The following ERG variants were observed in gnomAD, a reference collection of about 807,000 sequenced individuals.
ERG encodes transcriptional regulator ERG.
Under a neutral mutation model 55.3 loss-of-function variants are expected in ERG, and 9 were observed. That is an observed-to-expected ratio of 0.16 (90% confidence interval 0.10 to 0.28). The LOEUF (loss-of-function observed/expected upper bound fraction) is 0.28, where lower values mean the gene tolerates loss of function less well. Ranked by LOEUF, ERG falls within the 10% of genes least tolerant of loss-of-function variation. The probability of loss-of-function intolerance (pLI) is 1.00; values close to 1 mark genes in which losing one functional copy is unlikely to be tolerated. For missense variants in ERG, 434 were observed against 631.6 expected, an observed-to-expected ratio of 0.69 and a Z score of 3.35; for synonymous variants, 223 against 237.3, an observed-to-expected ratio of 0.94 and a Z score of 0.55.
chr21:38,551,196 C>T (rs958115906), intron 2 of ERG, among the ~76,000 whole-genome samples: 15 of 151,368 alleles, frequency 9.9e-5, no homozygotes, highest in Admixed American at 4.6e-4. Flanking sequence ...GGTAATGTCC[C>T]CTTTGTCATT....
the ERG span, among the ~76,000 whole-genome samples, chr21:38,371,540 GA>G: frequency 1.3e-5 from 2 of 151,964 alleles, no homozygotes; most frequent in Non-Finnish European, 2.9e-5. Flanking sequence ...TCAAGTTAAA[GA>G]AGTCATATTC....
intron 1 of ERG, among the ~76,000 whole-genome samples, chr21:38,605,919 G>A (rs2060194018): frequency 7.0e-6 from 1 of 142,986 alleles, no homozygotes; most frequent in East Asian, 2.1e-4. Flanking sequence ...AGATAGATAG[G>A]AGATAGGTAC....
chr21:38,504,039 T>TG (rs1333298041), intron 2 of ERG, among the ~76,000 whole-genome samples: 7 of 152,038 alleles, frequency 4.6e-5, no homozygotes, highest in Admixed American at 3.9e-4. Flanking sequence ...GGTGTGTGTG[T>TG]GGGGGGGTAG....
chr21:38,571,347 C>CA (rs11378960), intron 2 of ERG, among the ~76,000 whole-genome samples: 3,652 of 151,084 alleles, frequency 0.024, 135 homozygotes, highest in African/African-American at 0.084. Flanking sequence ...CTTGTCTCTA[C>CA]AAAAAAAATA....
rs2059174967 is a variant in ERG at position 38,475,042 on chromosome 21, G to A, written c.18+23321C>T. Among the ~76,000 whole-genome samples, 3 of 152,144 alleles carry A rather than the reference G, an allele frequency of 2.0e-5. No individual in the cohort carries two copies. The South Asian group carries it at 6.2e-4, about 32-fold the overall frequency. ...AACTGAGACTCCAAAAATTAAATAA[G>A]TTGCCTAGAGCATCTTGCCAGTTAA... On this transcript the variant is annotated intron_variant, in intron 1 of 9. Transcript: ENST00000288319.
intron 2 of ERG, among the ~76,000 whole-genome samples, chr21:38,548,381 A>C (rs1190038620): frequency 6.6e-6 from 1 of 152,090 alleles, no homozygotes; most frequent in Non-Finnish European, 1.5e-5. Flanking sequence ...AAGCTTTCTA[A>C]GTCAATGTAG....
intron 2 of ERG, among the ~76,000 whole-genome samples, chr21:38,440,202 G>A (rs1569101324): frequency 6.6e-6 from 1 of 152,336 alleles, no homozygotes; most frequent in East Asian, 1.9e-4. Context: ...AAGCTATTGG[G>A]CCAGGGGCCA....
At chr21:38,490,762 A>G (rs2059328665) in intron 1 of ERG, among the ~76,000 whole-genome samples, 1 of 152,204 alleles carries the variant, frequency 6.6e-6, no homozygotes, top group African/African-American at 2.4e-5. Flanking sequence ...TGCAGCATCA[A>G]ACTAAAGCTC....
chr21:38,547,107 G>A (rs1487865635), intron 2 of ERG, among the ~76,000 whole-genome samples: 1 of 152,158 alleles, frequency 6.6e-6, no homozygotes, highest in Non-Finnish European at 1.5e-5. Context: ...AGATGTCTCA[G>A]GGAATGTCCC....
At chr21:38,476,790 G>A (rs116677891) in intron 1 of ERG, among the ~76,000 whole-genome samples, 2,528 of 152,182 alleles carry the variant, frequency 0.017, 64 homozygotes, top group African/African-American at 0.057. Context: ...CAACGTTTAG[G>A]GGGAAAAGGT....
intron 3 of ERG, among the ~76,000 whole-genome samples, chr21:38,417,931 C>T (rs936730495): frequency 7.2e-5 from 11 of 152,300 alleles, no homozygotes; most frequent in South Asian, 2.1e-4. Context: ...GGAGCCTGTG[C>T]CTTCCTCTTT....
At chr21:38,519,942 T>C (rs2059581572) in intron 2 of ERG, among the ~76,000 whole-genome samples, 1 of 151,994 alleles carries the variant, frequency 6.6e-6, no homozygotes, top group South Asian at 2.1e-4. Context: ...GCTTGGACAC[T>C]GAAAGCATTT....
intron 2 of ERG, among the ~76,000 whole-genome samples, chr21:38,442,051 A>G (rs1048084238): frequency 3.9e-5 from 6 of 152,208 alleles, no homozygotes; most frequent in African/African-American, 1.4e-4. Flanking sequence ...CAATCTGGGC[A>G]ATGTTAGAAT....
At chr21:38,377,456 C>G (rs1371976716), downstream of ERG, among the ~76,000 whole-genome samples, 1 of 152,200 alleles carries the variant, frequency 6.6e-6, no homozygotes, top group Non-Finnish European at 1.5e-5. Flanking sequence ...TCTCTTCACC[C>G]TTAATTTAAA....
chr21:38,604,132 G>A (rs1402356993), intron 1 of ERG, among the ~76,000 whole-genome samples: 4 of 151,852 alleles, frequency 2.6e-5, no homozygotes, highest in Non-Finnish European at 5.9e-5. Context: ...GGGCGCCTGT[G>A]GTTCCCAGCT....
chr21:38,601,345 C>A (rs2060163371), intron 1 of ERG, among the ~76,000 whole-genome samples: 1 of 152,038 alleles, frequency 6.6e-6, no homozygotes, highest in Non-Finnish European at 1.5e-5. Context: ...AAAGGCAGAT[C>A]TCTTTGGTGG....
At chr21:38,595,781 A>G (rs1360948239) in intron 1 of ERG, among the ~76,000 whole-genome samples, 1 of 152,170 alleles carries the variant, frequency 6.6e-6, no homozygotes, top group African/African-American at 2.4e-5. Context: ...CCCTTCCTGG[A>G]GGGCAGAACC....
Position 38,423,520 on chromosome 21 carries a change from A to G in ERG, c.278T>C (p.Met93Thr), listed in dbSNP as rs778377918. ...CCCAACGGTGTCTGGGCTGCCCACCATCTTCCCGCCTTTGGCCACACTGCA... is the reference window on the plus strand; with the variant it reads ...CCCAACGGTGTCTGGGCTGCCCACCGTCTTCCCGCCTTTGGCCACACTGCA... ...DECSVAKGGK[M>T]VGSPDTVGMN... The change falls in exon 3 of 10, where the codon ATG (methionine) becomes ACG (threonine). Residue 93 changes from methionine (M) to threonine (T), a missense_variant. Coordinates refer to ENST00000288319, the MANE Select transcript of ERG (RefSeq NM_182918.4). 2 of 1,614,080 alleles carry G rather than the reference A, an allele frequency of 1.2e-6. No individual in the cohort carries two copies. Among genetic ancestry groups the G allele is most frequent in the South Asian group, 1.1e-5 (1 of 91,070 alleles).
rs1458757583 is a variant in ERG, at chr21:38,635,425, A to G, written c.-150+26233T>C. Among the ~76,000 whole-genome samples, 4 of 152,314 alleles carry G rather than the reference A, an allele frequency of 2.6e-5. No homozygotes were observed. The East Asian group carries it at 5.8e-4, about 22-fold the overall frequency. On this transcript the variant is annotated intron_variant, in intron 1 of 10. Coordinates refer to the ERG transcript ENST00000398910. Reference sequence around the variant, plus strand: ...TCAATTGTAACAAATATAACACACTAAAAAGCAAAAACAATCAAACTACTC... The same window carrying G: ...TCAATTGTAACAAATATAACACACTGAAAAGCAAAAACAATCAAACTACTC...
Sources: allele counts gnomAD v4.1 joint callset (sites outside exome capture counted in the v4.1 genomes callset), GRCh38; gene constraint gnomAD v4.1.1; transcripts MANE v1.5; gene names NCBI Gene and HGNC (gene_info 2026-07-23, HGNC 2026-07-21).